The following CCM2 variants were observed in gnomAD, a reference collection of about 807,000 sequenced individuals.
The protein encoded by CCM2 is cerebral cavernous malformations 2 protein.
Under a neutral mutation model 44.9 loss-of-function variants are expected in CCM2, and 25 were observed. The observed-to-expected ratio is 0.56, with a 90% confidence interval of 0.41 to 0.78. The LOEUF (loss-of-function observed/expected upper bound fraction) is 0.78. CCM2 is among the 30% of genes least tolerant of loss of function. CCM2 has a pLI of 0.00. For synonymous variants in CCM2, 219 were observed against 241.1 expected (o/e 0.91, Z 0.85); for missense variants, 481 against 580.6 (o/e 0.83, Z 1.76).
chr7:45,064,010 A>G lies in CCM2; in HGVS notation c.288+9A>G. The G allele has an allele frequency of 6.3e-7, 1 of 1,597,342 alleles. No individual in the cohort carries two copies. Among genetic ancestry groups the G allele is most frequent in the Non-Finnish European group, 8.6e-7 (1 of 1,164,850 alleles). ...TCATAGACAATGCAAAGGTAACCCT[A>G]TCCTCTTAACCCTGTGCACTAGCCC... is the stretch of plus-strand genomic sequence containing the variant. On this transcript the variant is annotated intron_variant, in intron 3 of 9. Coordinates refer to ENST00000258781, the MANE Select transcript of CCM2 (RefSeq NM_031443.4).
intron 2 of CCM2, among the ~76,000 whole-genome samples, chr7:45,059,267 G>T (rs1313104078): frequency 6.6e-6 from 1 of 151,822 alleles, no homozygotes; most frequent in East Asian, 1.9e-4. Context: ...TACATTATTG[G>T]ATTCAATTTG....
intron 1 of CCM2, among the ~76,000 whole-genome samples, chr7:45,018,916 T>C (rs566153183): frequency 6.6e-6 from 1 of 151,978 alleles, no homozygotes; most frequent in African/African-American, 2.4e-5. Flanking sequence ...TGCACCACCA[T>C]GCCAGGCTAA....
At chr7:45,025,323 C>T (rs1859487) in intron 1 of CCM2, among the ~76,000 whole-genome samples, 35,012 of 152,026 alleles carry the variant, frequency 0.23, 4,083 homozygotes, top group African/African-American at 0.27. Context: ...TGGTGATTCC[C>T]TTTATCGAAT....
chr7:45,006,733 T>A (rs145750593), intron 1 of CCM2, among the ~76,000 whole-genome samples: 99 of 152,156 alleles, frequency 6.5e-4, no homozygotes, highest in African/African-American at 2.1e-3. Context: ...TTATAGGAAG[T>A]TATTAGGACA....
intron 2 of CCM2, among the ~76,000 whole-genome samples, chr7:45,059,040 C>T (rs1330132611): frequency 1.3e-5 from 2 of 151,770 alleles, no homozygotes; most frequent in Non-Finnish European, 2.9e-5. Flanking sequence ...CTACCATGAC[C>T]AGCCTAATTT....
chr7:45,018,427 GCT>G (rs1174769253), intron 1 of CCM2, among the ~76,000 whole-genome samples: 1 of 151,542 alleles, frequency 6.6e-6, no homozygotes, highest in African/African-American at 2.4e-5. Flanking sequence ...GCGTGATCTT[GCT>G]CACTGCAACC....
intron 1 of CCM2, among the ~76,000 whole-genome samples, chr7:45,006,483 A>C (rs1418057465): frequency 1.3e-5 from 2 of 152,060 alleles, no homozygotes; most frequent in East Asian, 3.9e-4. Flanking sequence ...AGCTAGGACT[A>C]CAGGTGCCCG....
In CCM2 at chr7:45,063,882, A is replaced by G. The variant is rs2304689; in HGVS notation, c.205-36A>G. Reference sequence around the variant, plus strand: ...TGATGGTGGTGTTGGCTCAGCTCCCATTTCTCATGGCATTTTTTTCTTCAC... The same window carrying G: ...TGATGGTGGTGTTGGCTCAGCTCCCGTTTCTCATGGCATTTTTTTCTTCAC... On this transcript the variant is annotated intron_variant, in intron 2 of 9. Coordinates refer to ENST00000258781, the MANE Select transcript of CCM2 (RefSeq NM_031443.4). 0.22 allele frequency: 315,148 copies of G among 1,443,514 alleles called. 35,487 individuals carry two copies. The highest frequency in any genetic ancestry group is 0.32 in the Admixed American group (19,266 of 59,726). The allele number at this position is 1,443,514 out of a possible 1,614,324, so 89.4% of individuals were successfully genotyped here. A position where few individuals can be genotyped will look rare whatever the true frequency, so the allele number is the denominator to read the frequency against.
At chr7:45,039,742 T>G (rs1288040719) in intron 2 of CCM2, among the ~76,000 whole-genome samples, 3 of 152,122 alleles carry the variant, frequency 2.0e-5, no homozygotes, top group African/African-American at 7.2e-5. Context: ...AAACTGTTAA[T>G]TAGGCCAGGT....
chr7:45,072,820 C>T (rs372693955), intron 7 of CCM2, 37 bp downstream of exon 7: 69 of 1,550,166 alleles, frequency 4.5e-5, no homozygotes, highest in Admixed American at 6.7e-5. Context: ...CGGTGGGACA[C>T]GCACCAAATG....
chr7:45,066,735 G>T (rs771047160), intron 4 of CCM2, among the ~76,000 whole-genome samples: 6 of 152,074 alleles, frequency 3.9e-5, no homozygotes, highest in Non-Finnish European at 8.8e-5. Flanking sequence ...GATGATATAG[G>T]AGAGGCACAC....
At chr7:45,015,223 G>C in intron 1 of CCM2, among the ~76,000 whole-genome samples, 1 of 152,126 alleles carries the variant, frequency 6.6e-6, no homozygotes, top group Non-Finnish European at 1.5e-5. Flanking sequence ...CCATGACACA[G>C]AATTTATTCC....
intron 2 of CCM2, among the ~76,000 whole-genome samples, chr7:45,041,380 T>C (rs1010061872): frequency 3.9e-5 from 6 of 152,154 alleles, no homozygotes; most frequent in African/African-American, 9.7e-5. Context: ...TTGGACACTA[T>C]ATGCAATAAC....
intron 1 of CCM2, among the ~76,000 whole-genome samples, chr7:45,000,659 A>G (rs1443986639): frequency 6.6e-6 from 1 of 152,284 alleles, no homozygotes; most frequent in East Asian, 1.9e-4. Flanking sequence ...GGGCCCGGCG[A>G]GGGGCCAGAA....
chr7:45,017,807 C>T (rs141074265), intron 1 of CCM2, among the ~76,000 whole-genome samples: 1 of 152,278 alleles, frequency 6.6e-6, no homozygotes, highest in African/African-American at 2.4e-5. Flanking sequence ...GGAACCAAAA[C>T]AGGCTTTGTT....
intron 2 of CCM2, among the ~76,000 whole-genome samples, chr7:45,057,453 G>A (rs969129594): frequency 1.3e-5 from 2 of 152,152 alleles, no homozygotes; most frequent in East Asian, 1.9e-4. Context: ...GAGCCACCGC[G>A]CCTGGCCTTG....
chr7:45,031,592 C>T (rs1796973350), intron 1 of CCM2, among the ~76,000 whole-genome samples: 1 of 151,916 alleles, frequency 6.6e-6, no homozygotes, highest in African/African-American at 2.4e-5. Flanking sequence ...TGGTCTTGCT[C>T]TGTCACCCAG....
chr7:45,020,411 T>A (rs958636075), intron 1 of CCM2, among the ~76,000 whole-genome samples: 5 of 152,164 alleles, frequency 3.3e-5, no homozygotes, highest in African/African-American at 9.6e-5. Context: ...ATTATAGATA[T>A]ATAGTTTCTT....
chr7:45,073,044 A>G (rs1799157077), intron 7 of CCM2: 3 of 614,974 alleles, frequency 4.9e-6, no homozygotes, highest in East Asian at 5.5e-5. Flanking sequence ...TGTAATAGGC[A>G]TGTTGGATGG....
Sources: gnomAD v4.1 joint callset for allele counts (sites outside exome capture counted in the v4.1 genomes callset) on GRCh38, gnomAD v4.1.1 for gene constraint, MANE v1.5 for transcripts, NCBI Gene and HGNC (gene_info 2026-07-23, HGNC 2026-07-21) for gene names.